IL33: variants seen among roughly 807,000 people sequenced by gnomAD.
IL33 encodes the protein interleukin 33.
Under a neutral mutation model 27.3 loss-of-function variants are expected in IL33, and 37 were observed. The ratio of observed to expected loss-of-function variants is 1.36; its 90% confidence interval spans 1.04 to 1.78. IL33 has a LOEUF of 1.78. Among genes scored for constraint, IL33 ranks in the 40% most tolerant of loss-of-function variants. IL33 has a pLI of 0.00. For missense variants in IL33, 406 were observed against 311.4 expected (o/e 1.30, Z -2.29); for synonymous variants, 132 against 102.9 (o/e 1.28, Z -1.71).
intron 4 of IL33, among the ~76,000 whole-genome samples, chr9:6,252,349 T>C (rs1029913540): frequency 1.3e-5 from 2 of 152,184 alleles, no homozygotes; most frequent in African/African-American, 4.8e-5. Context: ...TATCATTTTC[T>C]ATGGGTATTT....
chr9:6,222,616 C>T (rs149309439), intron 1 of IL33, among the ~76,000 whole-genome samples: 36 of 152,164 alleles, frequency 2.4e-4, no homozygotes, highest in Admixed American at 2.4e-3. Flanking sequence ...CTTTCTGTAA[C>T]TTTAGTCTTG....
chr9:6,218,911 T>TTTTCTCC (rs1332032061), intron 1 of IL33, among the ~76,000 whole-genome samples: 1 of 85,416 alleles, frequency 1.2e-5, no homozygotes, highest in African/African-American at 4.2e-5. Context: ...TATATATATA[T>TTTTCTCC]ATATATATAT....
chr9:6,226,757 G>C (rs1818652530), intron 1 of IL33, among the ~76,000 whole-genome samples: 1 of 152,018 alleles, frequency 6.6e-6, no homozygotes, highest in African/African-American at 2.4e-5. Context: ...AGTTATTTCT[G>C]CTTGTTCTAA....
chr9:6,253,255 T>C (rs377694718), intron 5 of IL33, among the ~76,000 whole-genome samples: 1 of 152,180 alleles, frequency 6.6e-6, no homozygotes, highest in East Asian at 1.9e-4. Flanking sequence ...AGGGGCCACA[T>C]GTATTTGCTA....
intron 1 of IL33, among the ~76,000 whole-genome samples, chr9:6,236,947 G>T (rs1208593416): frequency 6.6e-6 from 1 of 152,172 alleles, no homozygotes; most frequent in African/African-American, 2.4e-5. Flanking sequence ...GTAGGAAAAA[G>T]ATAAGCTCCC....
At chr9:6,239,404 G>A (rs1819404557) in intron 1 of IL33, among the ~76,000 whole-genome samples, 1 of 152,090 alleles carries the variant, frequency 6.6e-6, no homozygotes, top group South Asian at 2.1e-4. Flanking sequence ...CAAACAACAT[G>A]AAGTAACTTA....
chr9:6,250,322 A>G (rs931935128), intron 2 of IL33, 152 bp from the exon 3 acceptor site: 6 of 893,560 alleles, frequency 6.7e-6, no homozygotes, highest in Non-Finnish European at 9.8e-6. Flanking sequence ...TAAAATCTAA[A>G]AAACTCCGAA....
rs1816830058 is a variant in IL33, at chr9:6,257,889, T to G, written c.*1721T>G. The G allele has an allele frequency of 6.6e-6, 1 of 151,980 alleles. No homozygotes were observed. Among genetic ancestry groups the G allele is most frequent in the Non-Finnish European group, 1.5e-5 (1 of 67,978 alleles). The allele number at this position is 151,980 out of a possible 1,614,324, so 9.4% of individuals were successfully genotyped here. A position where few individuals can be genotyped will look rare whatever the true frequency, so the allele number is the denominator to read the frequency against. On this transcript the variant is annotated 3_prime_UTR_variant, in exon 8 of 8. Coordinates refer to ENST00000682010, the MANE Select transcript of IL33 (RefSeq NM_033439.4). Reference sequence around the variant, plus strand: ...CTGAAAAACACTAATTATTGACATGTGCATCTGTACAATAAACTTAAAATG... The same window carrying G: ...CTGAAAAACACTAATTATTGACATGGGCATCTGTACAATAAACTTAAAATG...
At chr9:6,217,537 A>G (rs1001808838) in intron 1 of IL33, among the ~76,000 whole-genome samples, 2 of 152,050 alleles carry the variant, frequency 1.3e-5, no homozygotes, top group Non-Finnish European at 2.9e-5. Flanking sequence ...TAATTTTCTC[A>G]CTGTTATTTC....
At chr9:6,228,101 A>G (rs1355211799) in intron 1 of IL33, among the ~76,000 whole-genome samples, 7 of 152,244 alleles carry the variant, frequency 4.6e-5, no homozygotes. Context: ...AAATATGTGA[A>G]GCACTTAGTA....
At chr9:6,221,129 A>C (rs560774731) in intron 1 of IL33, among the ~76,000 whole-genome samples, 8 of 152,286 alleles carry the variant, frequency 5.3e-5, no homozygotes, top group South Asian at 2.1e-4. Context: ...AATAAGTACC[A>C]ATATTCATTC....
In IL33 at chr9:6,246,892, G is replaced by A. The variant is rs1350889376; in HGVS notation, c.92-3582G>A. ...TAAATCACCCAGTCCATGGTATTTT[G>A]TTATGGCAGCAGAAAAGAGACTAAG... On this transcript the variant is annotated intron_variant, in intron 2 of 7. Coordinates refer to ENST00000682010, the MANE Select transcript of IL33 (RefSeq NM_033439.4). Among the ~76,000 whole-genome samples, 3 of 152,156 alleles carry A rather than the reference G, an allele frequency of 2.0e-5. No individual in the cohort carries two copies. The East Asian group carries it at 5.8e-4, about 29-fold the overall frequency.
At chr9:6,252,051 AC>A (rs1564073111) in intron 4 of IL33, among the ~76,000 whole-genome samples, 550 of 23,822 alleles carry the variant, frequency 0.023, 75 homozygotes, top group East Asian at 0.1. Context: ...AAACAAACAA[AC>A]AAACAAAAAA....
chr9:6,231,807 T>G (rs1818941613), intron 1 of IL33, among the ~76,000 whole-genome samples: 1 of 152,194 alleles, frequency 6.6e-6, no homozygotes, highest in African/African-American at 2.4e-5. Flanking sequence ...GAGGTTAGGA[T>G]TTCCTTACAA....
At chr9:6,250,658 C>A in intron 3 of IL33, 59 bp downstream of exon 3, 1 of 1,556,964 alleles carries the variant, frequency 6.4e-7, no homozygotes, top group Non-Finnish European at 8.7e-7. Flanking sequence ...CCTTCACTTA[C>A]CACATCTAAA....
chr9:6,251,307 G>A, intron 4 of IL33, 42 bp downstream of exon 4: 1 of 1,607,212 alleles, frequency 6.2e-7, no homozygotes, highest in South Asian at 1.1e-5. Flanking sequence ...GAGGAGGGAG[G>A]TATGACACAG....
intron 2 of IL33, among the ~76,000 whole-genome samples, chr9:6,249,094 G>A (rs1816181730): frequency 1.3e-5 from 2 of 152,148 alleles, no homozygotes; most frequent in Non-Finnish European, 2.9e-5. Context: ...TGATATTTCT[G>A]CATTAAGAAT....
Position 6,235,172 on chromosome 9 carries a change from C to G in IL33, c.-11-6512C>G, listed in dbSNP as rs115766011. 9.8e-3 allele frequency among the ~76,000 whole-genome samples: 1,495 copies of G among 152,216 alleles called. 18 individuals are homozygous for G. The highest frequency in any genetic ancestry group is 0.03 in the African/African-American group (1,265 of 41,522). On this transcript the variant is annotated intron_variant, in intron 1 of 7. Transcript: ENST00000682010. Reference sequence around the variant, plus strand: ...CCTCCCACCTCAGTCTCCCAAGTAGCTAAGACTGCACGTGCACACCACCCA... The same window carrying G: ...CCTCCCACCTCAGTCTCCCAAGTAGGTAAGACTGCACGTGCACACCACCCA...
intron 2 of IL33, among the ~76,000 whole-genome samples, chr9:6,246,232 A>G (rs754546526): frequency 1.6e-4 from 24 of 152,052 alleles, no homozygotes; most frequent in Non-Finnish European, 2.8e-4. Context: ...CCCCTCCAAA[A>G]CTCATGTTGA....
Sources: allele counts gnomAD v4.1 joint callset (sites outside exome capture counted in the v4.1 genomes callset), GRCh38; gene constraint gnomAD v4.1.1; transcripts MANE v1.5; gene names NCBI Gene and HGNC (gene_info 2026-07-23, HGNC 2026-07-21).